Variants in CREBBP observed in about 807,000 individuals in gnomAD.
CREBBP encodes the protein CREB binding lysine acetyltransferase.
A neutral mutation model predicts 265.0 loss-of-function variants in CREBBP; 19 were observed. That is an observed-to-expected ratio of 0.07 (90% CI 0.05 to 0.11). The LOEUF (loss-of-function observed/expected upper bound fraction) is 0.11. Ranked by LOEUF, CREBBP falls within the 10% of genes least tolerant of loss-of-function variation. The pLI is 1.00. For missense variants in CREBBP, 2,525 were observed against 3,219.0 expected (o/e 0.78, Z 5.22); for synonymous variants, 1,457 against 1,223.7 (o/e 1.19, Z -3.98).
rs376575063 is a variant in CREBBP at position 3,731,216 on chromosome 16, C to A, written c.5148G>T (p.Thr1716=). The A allele has an allele frequency of 6.2e-7, 1 of 1,613,812 alleles. No individual in the cohort carries two copies. Among genetic ancestry groups the A allele is most frequent in the East Asian group, 2.2e-5 (1 of 44,874 alleles). Residue 1716 remains threonine, a synonymous_variant, in exon 30 of 31, where the codon ACG becomes ACT. Transcript: ENST00000262367. The surrounding 1 kb of genome is among the most constrained non-coding windows in gnomAD (Gnocchi z 7.7). ...CCTCGCACACAGTGCAGTGCCAGCG[C>A]GTCTCCACGTGGTGCTTGCACTCGT... ...TCNECKHHVE[T]RWHCTVCEDY... is the part of the protein sequence containing the mutation.
rs540736085 is a variant in CREBBP at position 3,781,937 on chromosome 16, T to C, written c.1574-631A>G. ...GTTTTCCAGAAAGCAACAAGTAAGA[T>C]GACTTTAGCTGGGCATATTTTAAGG... On this transcript the variant is annotated intron_variant, in intron 6 of 30. Coordinates refer to ENST00000262367, the MANE Select transcript of CREBBP (RefSeq NM_004380.3). Among the ~76,000 whole-genome samples, 4 of 152,342 alleles carry C rather than the reference T, an allele frequency of 2.6e-5. No individual in the cohort carries two copies. In the South Asian group the frequency reaches 8.3e-4, roughly 32 times the overall value.
In CREBBP at chr16:3,767,757, G is replaced by A; in HGVS notation, c.3213C>T (p.Ala1071=). Reference sequence around the variant, plus strand: ...GCTGCGAAGGAGATGTTGACTGAGAGGCTGTGCCGTTACTGCTACTCTCTT... The same window carrying A: ...GCTGCGAAGGAGATGTTGACTGAGAAGCTGTGCCGTTACTGCTACTCTCTT... The part of the protein sequence containing the change: ...EEEESSSNGT[A]SQSTSPSQPR... Residue 1071 remains alanine, a synonymous_variant, in exon 16 of 31, where the codon GCC becomes GCT. Coordinates refer to ENST00000262367, the MANE Select transcript of CREBBP (RefSeq NM_004380.3). 6.2e-7 allele frequency: 1 copy of A among 1,614,254 alleles called. No individual in the cohort carries two copies. Among genetic ancestry groups the A allele is most frequent in the Non-Finnish European group, 8.5e-7 (1 of 1,180,044 alleles).
chr16:3,847,774 T>C (rs933714295), intron 2 of CREBBP, among the ~76,000 whole-genome samples: 1 of 152,168 alleles, frequency 6.6e-6, no homozygotes, highest in Non-Finnish European at 1.5e-5. Flanking sequence ...CCAAAACATG[T>C]TTCTTCAGTA....
chr16:3,818,304 T>C (rs1261106101), intron 2 of CREBBP, among the ~76,000 whole-genome samples: 125 of 69,086 alleles, frequency 1.8e-3, no homozygotes, highest in African/African-American at 6.0e-3. Context: ...TTTTCTTTTC[T>C]TTTTTTTTTT....
rs1017762037 is a variant in CREBBP at position 3,837,767 on chromosome 16, A to G, written c.798+12530T>C. On this transcript the variant is annotated intron_variant, in intron 2 of 30. Transcript: ENST00000262367. ...TACAAAAGAATAAAAAAGTTTTTAA[A>G]AAACTGAAGTTTATAAAGTGAAAAG... is the stretch of plus-strand genomic sequence containing the variant. 1.8e-4 allele frequency among the ~76,000 whole-genome samples: 28 copies of G among 152,140 alleles called. 1 individual carries two copies.
chr16:3,809,952 A>C (rs1268584270), intron 3 of CREBBP, among the ~76,000 whole-genome samples: 1 of 152,046 alleles, frequency 6.6e-6, no homozygotes, highest in Non-Finnish European at 1.5e-5. Context: ...GGGGTGAACA[A>C]GAGAGGCTGG....
chr16:3,851,689 G>C (rs944238123), intron 1 of CREBBP, among the ~76,000 whole-genome samples: 2 of 151,608 alleles, frequency 1.3e-5, no homozygotes, highest in Non-Finnish European at 2.9e-5. Flanking sequence ...CCCGTCTCTA[G>C]TAAAAAGACA....
Position 3,850,457 on chromosome 16 carries a change from A to G in CREBBP, c.638T>C (p.Leu213Pro). The G allele has an allele frequency of 6.2e-7, 1 of 1,614,074 alleles. No individual in the cohort carries two copies. Among genetic ancestry groups the G allele is most frequent in the Non-Finnish European group, 8.5e-7 (1 of 1,179,916 alleles). ...TCCCCTTCCTCTGCCAGCAGCCCCA[A>G]GAGATCCATTCATGACTTGCGCCTG... ...QGQAQVMNGS[L>P]GAAGRGRGAG... The change falls in exon 2 of 31, where the codon CTT becomes CCT. Residue 213 changes from leucine (L) to proline (P), a missense_variant. Physicochemically the swap from Leu to Pro is moderately conservative, Grantham distance 98. Coordinates refer to ENST00000262367, the MANE Select transcript of CREBBP (RefSeq NM_004380.3).
Position 3,773,896 on chromosome 16 carries a change from G to A in CREBBP, c.2318C>T (p.Pro773Leu), listed in dbSNP as rs1273214954. 4 of 1,612,154 alleles carry A rather than the reference G, an allele frequency of 2.5e-6. No individual in the cohort carries two copies. Among genetic ancestry groups the A allele is most frequent in the Admixed American group, 1.7e-5 (1 of 59,998 alleles). The change falls in exon 13 of 31, where the codon CCG (proline) becomes CTG (leucine). Residue 773 changes from proline (P) to leucine (L), a missense_variant. Coordinates refer to ENST00000262367, the MANE Select transcript of CREBBP (RefSeq NM_004380.3). ...GTTGGTGTGTGCACCCATCATGTTC[G>A]GAGGCTGAGGCATTCGGGAAGGAGA... ...AISPSRMPQP[P>L]NMMGAHTNNM...
intron 1 of CREBBP, among the ~76,000 whole-genome samples, chr16:3,860,559 T>C (rs2055052158): frequency 6.6e-6 from 1 of 151,870 alleles, no homozygotes; most frequent in Non-Finnish European, 1.5e-5. Flanking sequence ...CAGGAAGAGG[T>C]AATGCACATG....
intron 2 of CREBBP, among the ~76,000 whole-genome samples, chr16:3,838,872 T>C (rs1264480016): frequency 5.9e-5 from 9 of 152,100 alleles, no homozygotes; most frequent in Admixed American, 2.0e-4. Flanking sequence ...CCAAAAAATG[T>C]TTTCGGAAAA....
intron 2 of CREBBP, among the ~76,000 whole-genome samples, chr16:3,819,894 T>C (rs2141376081): frequency 6.6e-6 from 1 of 152,258 alleles, no homozygotes; most frequent in South Asian, 2.1e-4. Context: ...CAACTACCAC[T>C]CATAAGCCAG....
intron 16 of CREBBP, among the ~76,000 whole-genome samples, chr16:3,761,923 A>G (rs1436456529): frequency 6.6e-6 from 1 of 152,262 alleles, no homozygotes; most frequent in Non-Finnish European, 1.5e-5. Context: ...ATTATGACCA[A>G]GAGGCCAAAT....
intron 14 of CREBBP, 71 bp from the exon 15 acceptor site, chr16:3,769,424 T>G: frequency 6.4e-7 from 1 of 1,563,922 alleles, no homozygotes; most frequent in South Asian, 1.1e-5. Context: ...ATGCTGCTCA[T>G]GCAACCTACA....
intron 3 of CREBBP, 36 bp from the exon 4 acceptor site, chr16:3,793,662 T>C: frequency 6.2e-7 from 1 of 1,602,952 alleles, no homozygotes; most frequent in Non-Finnish European, 8.5e-7. Context: ...TACTTTAACC[T>C]CTCAGAGTTC....
At chr16:3,801,434 C>T (rs1227722760) in intron 3 of CREBBP, among the ~76,000 whole-genome samples, 1 of 152,118 alleles carries the variant, frequency 6.6e-6, no homozygotes, top group Non-Finnish European at 1.5e-5. Context: ...TTTGGGAGGC[C>T]GAGGTGGGCA....
chr16:3,729,404 ACT>A lies in CREBBP; in HGVS notation c.5641_5642del (p.Leu1882AlafsTer83), dbSNP rs1567263114. ...TMNTRNVPQQ[S>X]LPSPTSAPPG... is the part of the protein sequence containing the mutation. Reference sequence around the variant, plus strand: ...GCGGTGCTGAGGTAGGAGAAGGCAGACTCTGCTGAGGCACGTTGCGGGTGTTC... The same window carrying A: ...GCGGTGCTGAGGTAGGAGAAGGCAGACTGCTGAGGCACGTTGCGGGTGTTC... On this transcript the variant is annotated frameshift_variant, in exon 31 of 31. Transcript: ENST00000262367. LOFTEE classifies it high-confidence loss of function. 6.2e-7 allele frequency: 1 copy of A among 1,611,834 alleles called. No homozygotes were observed. The highest frequency in any genetic ancestry group is 8.5e-7 in the Non-Finnish European group (1 of 1,179,750).
chr16:3,820,862 G>A (rs1183181757), intron 2 of CREBBP, among the ~76,000 whole-genome samples: 2 of 152,166 alleles, frequency 1.3e-5, no homozygotes, highest in Admixed American at 6.5e-5. Context: ...ATGTGACTTA[G>A]AAGAAGAGTG....
intron 10 of CREBBP, 27 bp downstream of exon 10, chr16:3,777,984 G>A (rs765925443): frequency 6.2e-7 from 1 of 1,612,160 alleles, no homozygotes. Flanking sequence ...CAGGCTAAGG[G>A]ATGGCAGTAG....
Sources: allele counts gnomAD v4.1 joint callset (sites outside exome capture counted in the v4.1 genomes callset), GRCh38; gene constraint gnomAD v4.1.1; non-coding constraint Gnocchi (gnomAD v3.1); transcripts MANE v1.5; gene names NCBI Gene and HGNC (gene_info 2026-07-23, HGNC 2026-07-21).